Variants in PCDH11X observed in about 807,000 individuals in gnomAD.
The protein encoded by PCDH11X is protocadherin 11 X-linked.
PCDH11X carries 18 observed loss-of-function variants against 53.3 expected under a neutral mutation model. The observed-to-expected ratio is 0.34, with a 90% CI of 0.23 to 0.50. PCDH11X has a LOEUF of 0.50. PCDH11X is among the 20% of genes least tolerant of loss of function. The pLI is 0.98. For missense variants in PCDH11X, 570 were observed against 1,032.4 expected, an observed-to-expected ratio of 0.55 and a Z score of 6.14; for synonymous variants, 279 against 393.3, an observed-to-expected ratio of 0.71 and a Z score of 3.44.
intron 5 of PCDH11X, among the ~76,000 whole-genome samples, chrX:91,839,220 TGC>T (rs1937415225): frequency 1.8e-5 from 2 of 109,628 alleles, no homozygotes; most frequent in African/African-American, 6.6e-5. Context: ...GGAACCAGAG[TGC>T]AGTTCCTGAC....
chrX:91,924,577 T>G lies in PCDH11X; in HGVS notation c.3033+45304T>G, dbSNP rs142419608. Among the ~76,000 whole-genome samples, 725 of 112,016 alleles carry G rather than the reference T, an allele frequency of 6.5e-3. 5 individuals are homozygous for G. Among genetic ancestry groups the G allele is most frequent in the African/African-American group, 0.023 (700 of 30,859 alleles). ...AAAATTTGGCTTTAATTGGAAACAT[T>G]GTCTTTGTTAAATCAAGCCATATGC... is the stretch of plus-strand genomic sequence containing the variant. On this transcript the variant is annotated intron_variant, in intron 6 of 10. Coordinates refer to ENST00000682573, the MANE Select transcript of PCDH11X (RefSeq NM_032968.5).
At chrX:92,258,158 A>T (rs930883481) in intron 7 of PCDH11X, among the ~76,000 whole-genome samples, 4 of 110,798 alleles carry the variant, frequency 3.6e-5, no homozygotes, top group Non-Finnish European at 7.6e-5. Context: ...CTATGTCTGG[A>T]ACAGGAGAGA....
intron 8 of PCDH11X, among the ~76,000 whole-genome samples, chrX:92,269,574 C>T (rs966081068): frequency 1.8e-5 from 2 of 111,616 alleles, no homozygotes; most frequent in Admixed American, 9.5e-5. Context: ...TTTTTGTAAC[C>T]TCAATACATT....
chrX:92,237,464 A>C (rs906364815), intron 7 of PCDH11X, among the ~76,000 whole-genome samples: 23 of 111,027 alleles, frequency 2.1e-4, no homozygotes, highest in Non-Finnish European at 1.1e-4. Context: ...CCAAATACAG[A>C]AGTGTATTTG....
chrX:92,581,828 A>G (rs1923745185), intron 10 of PCDH11X, among the ~76,000 whole-genome samples: 1 of 109,255 alleles, frequency 9.2e-6, no homozygotes, highest in South Asian at 4.0e-4. Flanking sequence ...TGCTGACAGT[A>G]ATATGGACAA....
At chrX:92,185,089 T>G (rs756381565) in intron 6 of PCDH11X, among the ~76,000 whole-genome samples, 1 of 109,955 alleles carries the variant, frequency 9.1e-6, no homozygotes, top group Non-Finnish European at 1.9e-5. Context: ...ATTAACAATA[T>G]GATATAACTG....
chrX:92,369,514 G>C (rs2070561874), intron 8 of PCDH11X, among the ~76,000 whole-genome samples: 1 of 111,043 alleles, frequency 9.0e-6, no homozygotes, highest in Non-Finnish European at 1.9e-5. Context: ...CTTTCCAGGG[G>C]AGTGAATGGT....
At chrX:92,257,057 G>A (rs1192672232) in intron 7 of PCDH11X, among the ~76,000 whole-genome samples, 5 of 111,780 alleles carry the variant, frequency 4.5e-5, no homozygotes, top group Non-Finnish European at 9.4e-5. Context: ...AGAAAGCATA[G>A]CAGCTTCTGC....
chrX:91,803,924 C>T (rs1373404917), intron 1 of PCDH11X, among the ~76,000 whole-genome samples: 1 of 110,651 alleles, frequency 9.0e-6, no homozygotes, highest in Non-Finnish European at 1.9e-5. Flanking sequence ...TGTATATGAT[C>T]TTGGCAGCAG....
intron 6 of PCDH11X, among the ~76,000 whole-genome samples, chrX:91,927,220 C>T (rs1321992876): frequency 2.8e-5 from 3 of 108,277 alleles, no homozygotes; most frequent in African/African-American, 1.0e-4. Context: ...TTGTGAAATG[C>T]TCAGTAAAAT....
At chrX:92,286,928 TTAAG>T (rs1284754274) in intron 8 of PCDH11X, among the ~76,000 whole-genome samples, 2 of 99,305 alleles carry the variant, frequency 2.0e-5, no homozygotes, top group Non-Finnish European at 4.0e-5. Context: ...ATTGTAAGTT[TTAAG>T]TAAGTGAATA....
At chrX:92,519,271 C>T (rs2074326949) in intron 10 of PCDH11X, among the ~76,000 whole-genome samples, 1 of 107,075 alleles carries the variant, frequency 9.3e-6, no homozygotes, top group South Asian at 4.2e-4. Flanking sequence ...TGGGTGTTAT[C>T]TCATTCATAA....
chrX:92,089,523 TA>T (rs1344161275), intron 6 of PCDH11X, among the ~76,000 whole-genome samples: 3 of 111,664 alleles, frequency 2.7e-5, no homozygotes, highest in African/African-American at 6.5e-5. Context: ...AATTATTTTT[TA>T]TTTTTTTTTC....
At chrX:92,422,284 A>G (rs2071989246) in intron 9 of PCDH11X, among the ~76,000 whole-genome samples, 1 of 109,363 alleles carries the variant, frequency 9.1e-6, no homozygotes, top group Admixed American at 9.8e-5. Flanking sequence ...CACTGTACCA[A>G]ATTTGTAGTC....
At chrX:92,321,523 C>T (rs2069209519) in intron 8 of PCDH11X, among the ~76,000 whole-genome samples, 1 of 111,486 alleles carries the variant, frequency 9.0e-6, no homozygotes, top group Admixed American at 9.5e-5. Flanking sequence ...TTGCTTATCT[C>T]ATGGCCAGTG....
intron 10 of PCDH11X, among the ~76,000 whole-genome samples, chrX:92,548,679 A>G (rs748929652): frequency 9.1e-6 from 1 of 110,007 alleles, no homozygotes; most frequent in African/African-American, 3.3e-5. Context: ...ACAATGCTAT[A>G]GAAAGTAGTG....
chrX:92,109,892 A>T (rs1390058187), intron 6 of PCDH11X, among the ~76,000 whole-genome samples: 1 of 112,420 alleles, frequency 8.9e-6, no homozygotes, highest in East Asian at 2.8e-4. Flanking sequence ...AATCTCTTTC[A>T]CTATCATAAT....
intron 8 of PCDH11X, among the ~76,000 whole-genome samples, chrX:92,327,116 T>C (rs748558452): frequency 9.2e-6 from 1 of 109,244 alleles, no homozygotes; most frequent in African/African-American, 3.3e-5. Flanking sequence ...AAGTCTAACA[T>C]AGTAGGGTCA....
intron 6 of PCDH11X, among the ~76,000 whole-genome samples, chrX:91,919,629 C>A: frequency 9.0e-6 from 1 of 110,793 alleles, no homozygotes; most frequent in Non-Finnish European, 1.9e-5. Flanking sequence ...AAAAAGAGAA[C>A]CTTATCAGGA....
Sources: gnomAD v4.1 joint callset for allele counts (sites outside exome capture counted in the v4.1 genomes callset) on GRCh38, gnomAD v4.1.1 for gene constraint, MANE v1.5 for transcripts, NCBI Gene and HGNC (gene_info 2026-07-23, HGNC 2026-07-21) for gene names.